TULP3: variants seen among roughly 807,000 people sequenced by gnomAD.
TULP3 encodes tubby-related protein 3.
In TULP3, 38 loss-of-function variants were observed where a neutral mutation model predicts 50.7. The observed-to-expected ratio is 0.75, with a 90% CI of 0.58 to 0.98. The LOEUF is 0.98. Ranked by LOEUF, TULP3 falls within the 50% of genes least tolerant of loss-of-function variation. The pLI, the probability that TULP3 is intolerant of heterozygous loss-of-function variation, is 0.00. For missense variants in TULP3, 550 were observed against 568.0 expected, an observed-to-expected ratio of 0.97 and a Z score of 0.32; for synonymous variants, 183 against 196.6, an observed-to-expected ratio of 0.93 and a Z score of 0.58.
chr12:2,900,357 A>G (rs998648070), intron 1 of TULP3, among the ~76,000 whole-genome samples: 4 of 152,208 alleles, frequency 2.6e-5, no homozygotes, highest in Admixed American at 1.3e-4. Context: ...AAGCACTTGG[A>G]TTGGAAATGT....
intron 2 of TULP3, among the ~76,000 whole-genome samples, chr12:2,911,652 A>G (rs1408476489): frequency 8.5e-6 from 1 of 117,194 alleles, no homozygotes; most frequent in Non-Finnish European, 1.6e-5. Flanking sequence ...GGCGTGAGCC[A>G]CTGCGCCCAG....
In TULP3 at chr12:2,920,908, A is replaced by G. The variant is rs202025723; in HGVS notation, c.239A>G (p.Asn80Ser). Residue 80 changes from asparagine to serine, a missense_variant, in exon 3 of 11, where the codon AAT becomes AGT. Asn to Ser is a conservative substitution (Grantham distance 46). Coordinates refer to ENST00000448120, the MANE Select transcript of TULP3 (RefSeq NM_003324.5). ...PLVNCHTPHSNVILHGIDGPA... is the reference protein window; with the variant it reads ...PLVNCHTPHSSVILHGIDGPA... ...GTGAACTGTCATACTCCCCACAGCAATGTCATCTTACATGGTGTGTATTTA... is the reference window on the plus strand; with the variant it reads ...GTGAACTGTCATACTCCCCACAGCAGTGTCATCTTACATGGTGTGTATTTA... The G allele has an allele frequency of 1.6e-5, 26 of 1,614,162 alleles. No individual in the cohort carries two copies. Among genetic ancestry groups the G allele is most frequent in the Non-Finnish European group, 1.9e-5 (22 of 1,180,024 alleles).
chr12:2,938,269 A>G lies in TULP3; in HGVS notation c.1179A>G (p.Ile393Met). The G allele has an allele frequency of 6.2e-7, 1 of 1,613,918 alleles. No homozygotes were observed. The highest frequency in any genetic ancestry group is 8.5e-7 in the Non-Finnish European group (1 of 1,179,926). Residue 393 changes from isoleucine (I) to methionine (M), a missense_variant, in exon 10 of 11, where the codon ATA becomes ATG. By Grantham distance (10) the Ile-to-Met change is conservative. Coordinates refer to ENST00000448120, the MANE Select transcript of TULP3 (RefSeq NM_003324.5). Reference sequence around the variant, plus strand: ...AGGCGTCTGTGAAGAACTTCCAGATAGTCCACAAAAATGACCGTAAGCCTC... The same window carrying G: ...AGGCGTCTGTGAAGAACTTCCAGATGGTCCACAAAAATGACCGTAAGCCTC... Reference protein sequence around the residue: ...VTQASVKNFQIVHKNDPDYIV... With the variant: ...VTQASVKNFQMVHKNDPDYIV...
chr12:2,933,290 G>T, intron 6 of TULP3, 128 bp from the exon 7 acceptor site: 2 of 624,152 alleles, frequency 3.2e-6, no homozygotes, highest in South Asian at 3.8e-5. Flanking sequence ...AAGGCCCAAA[G>T]ATTAACAGCT....
At chr12:2,912,855 C>G (rs74607093) in intron 2 of TULP3, among the ~76,000 whole-genome samples, 2 of 152,134 alleles carry the variant, frequency 1.3e-5, no homozygotes, top group African/African-American at 2.4e-5. Flanking sequence ...ATTAATTCAC[C>G]TCTTCTGAAG....
chr12:2,926,859 A>C (rs1350397466), intron 4 of TULP3, among the ~76,000 whole-genome samples: 3 of 152,230 alleles, frequency 2.0e-5, no homozygotes, highest in Non-Finnish European at 4.4e-5. Context: ...GTGAACAGAC[A>C]TCGCGCCATT....
chr12:2,906,185 C>T (rs1445833605), intron 1 of TULP3, among the ~76,000 whole-genome samples: 2 of 151,196 alleles, frequency 1.3e-5, no homozygotes, highest in African/African-American at 4.9e-5. Context: ...TGCCCACCAC[C>T]ATACCCGGCT....
chr12:2,900,982 C>T (rs1040803568), intron 1 of TULP3, among the ~76,000 whole-genome samples: 1 of 150,806 alleles, frequency 6.6e-6, no homozygotes, highest in African/African-American at 2.4e-5. Context: ...GCTGGGATTA[C>T]AGGCGTGAGC....
chr12:2,912,654 G>A (rs565000628), intron 2 of TULP3, among the ~76,000 whole-genome samples: 138 of 152,328 alleles, frequency 9.1e-4, no homozygotes, highest in African/African-American at 3.2e-3. Context: ...AGCCAGTCTC[G>A]TAAGTGATGA....
At chr12:2,891,568 CTT>C (rs1234741095) in intron 1 of TULP3, among the ~76,000 whole-genome samples, 1 of 152,134 alleles carries the variant, frequency 6.6e-6, no homozygotes, top group Non-Finnish European at 1.5e-5. Flanking sequence ...TTGTGCGCCT[CTT>C]TCTCTGCCAG....
At chr12:2,909,245 C>T (rs1299438723) in intron 1 of TULP3, among the ~76,000 whole-genome samples, 1 of 152,142 alleles carries the variant, frequency 6.6e-6, no homozygotes, top group African/African-American at 2.4e-5. Context: ...GTACCTAAGA[C>T]ATTGTTTAAA....
At position 2,940,546 on chromosome 12, in the gene TULP3, G is replaced by C. The variant is rs540567671; in HGVS notation, c.*1102G>C. The C allele has an allele frequency of 6.4e-7, 1 of 1,550,412 alleles. No individual in the cohort carries two copies. Among genetic ancestry groups the C allele is most frequent in the African/African-American group, 1.4e-5 (1 of 73,150 alleles). ...CCTTCCCAGAATGTATCCAAACCTT[G>C]AGAATGCAGGAGCTCTGTGAGCTCC... On this transcript the variant is annotated 3_prime_UTR_variant, in exon 11 of 11. Coordinates refer to ENST00000448120, the MANE Select transcript of TULP3 (RefSeq NM_003324.5).
chr12:2,899,038 A>C (rs1474207539), intron 1 of TULP3, among the ~76,000 whole-genome samples: 4 of 152,162 alleles, frequency 2.6e-5, no homozygotes, highest in African/African-American at 9.7e-5. Context: ...AGATATTTTT[A>C]ACCTTTTAAA....
chr12:2,906,761 C>G (rs1201396995), intron 1 of TULP3, among the ~76,000 whole-genome samples: 1 of 149,658 alleles, frequency 6.7e-6, no homozygotes, highest in Non-Finnish European at 1.5e-5. Context: ...ACTAAAAATA[C>G]AAAAATTAGC....
intron 1 of TULP3, among the ~76,000 whole-genome samples, chr12:2,898,697 G>A (rs2098177005): frequency 6.6e-6 from 1 of 152,052 alleles, no homozygotes; most frequent in Non-Finnish European, 1.5e-5. Context: ...CTTTTGGGCT[G>A]GGGGGACAGG....
chr12:2,917,581 G>A (rs2098189323), intron 2 of TULP3, among the ~76,000 whole-genome samples: 1 of 151,836 alleles, frequency 6.6e-6, no homozygotes, highest in Admixed American at 6.6e-5. Context: ...CTTTTCTATA[G>A]AAAATATTTT....
At chr12:2,935,364 G>A (rs997357912) in intron 8 of TULP3, among the ~76,000 whole-genome samples, 5 of 152,090 alleles carry the variant, frequency 3.3e-5, no homozygotes, top group Non-Finnish European at 7.4e-5. Context: ...CTGCGTCCTT[G>A]TAGCATTTGT....
At chr12:2,926,550 T>C (rs1376061569) in intron 4 of TULP3, among the ~76,000 whole-genome samples, 1 of 152,210 alleles carries the variant, frequency 6.6e-6, no homozygotes, top group African/African-American at 2.4e-5. Context: ...GCAAATAATT[T>C]TTTTAAGTAA....
At position 2,922,303 on chromosome 12, in the gene TULP3, C is replaced by G. The variant is rs1482160114; in HGVS notation, c.295C>G (p.His99Asp). The part of the protein sequence containing the change: ...PAAVLKPDEV[H>D]APSVSSSVVE... ...TGCTGTCCTGAAACCAGACGAAGTT[C>G]ATGCTCCATCAGTAAGCTCCTCTGT... The change falls in exon 4 of 11, where the codon CAT (histidine) becomes GAT (aspartate). Residue 99 changes from histidine to aspartate, a missense_variant. Coordinates refer to ENST00000448120, the MANE Select transcript of TULP3 (RefSeq NM_003324.5). The G allele has an allele frequency of 6.2e-7, 1 of 1,614,016 alleles. No homozygotes were observed. Among genetic ancestry groups the G allele is most frequent in the Non-Finnish European group, 8.5e-7 (1 of 1,180,028 alleles).
Sources: allele counts gnomAD v4.1 joint callset (sites outside exome capture counted in the v4.1 genomes callset), GRCh38; gene constraint gnomAD v4.1.1; transcripts MANE v1.5; gene names NCBI Gene and HGNC (gene_info 2026-07-23, HGNC 2026-07-21).